The following CSMD2 variants were observed in gnomAD, a reference collection of about 807,000 sequenced individuals.
CSMD2 encodes the protein CUB and Sushi multiple domains 2.
In CSMD2, 130 loss-of-function variants were observed where a neutral mutation model predicts 398.5. That is an observed-to-expected ratio of 0.33 (90% CI 0.28 to 0.38). CSMD2 has a LOEUF of 0.38. Among genes scored for constraint, CSMD2 ranks in the 10% least tolerant of loss-of-function variants. The pLI, the probability that CSMD2 is intolerant of heterozygous loss-of-function variation, is 1.00. For synonymous variants in CSMD2, 1,828 were observed against 1,908.5 expected, an observed-to-expected ratio of 0.96 and a Z score of 1.10; for missense variants, 3,829 against 4,764.9, an observed-to-expected ratio of 0.80 and a Z score of 5.78.
At chr1:33,546,637 A>T (rs981459239) in intron 56 of CSMD2, among the ~76,000 whole-genome samples, 1 of 152,076 alleles carries the variant, frequency 6.6e-6, no homozygotes, top group Admixed American at 6.5e-5. Flanking sequence ...CTCTTGCAAG[A>T]GCCTCCCGAC....
intron 13 of CSMD2, among the ~76,000 whole-genome samples, chr1:33,752,408 A>T (rs1382801912): frequency 6.6e-6 from 1 of 152,162 alleles, no homozygotes; most frequent in East Asian, 1.9e-4. Context: ...ACCATATGAT[A>T]CGCTGGCTCC....
intron 2 of CSMD2, among the ~76,000 whole-genome samples, chr1:34,087,754 T>C (rs547279010): frequency 7.9e-5 from 12 of 152,216 alleles, no homozygotes; most frequent in Middle Eastern, 3.4e-3. Context: ...CCCATTAGCA[T>C]GTAACCTCCA....
chr1:33,613,822 G>A (rs758754455), intron 40 of CSMD2, among the ~76,000 whole-genome samples: 1 of 152,038 alleles, frequency 6.6e-6, no homozygotes, highest in Admixed American at 6.5e-5. Flanking sequence ...GAGACATTTG[G>A]GTTAAATGAT....
At chr1:34,131,653 A>G (rs180789071) in intron 1 of CSMD2, among the ~76,000 whole-genome samples, 3 of 152,316 alleles carry the variant, frequency 2.0e-5, no homozygotes, top group Admixed American at 6.5e-5. Context: ...CTCCAGGCCC[A>G]GGCCTCTCTC....
At chr1:34,082,207 C>G (rs1173258161) in intron 2 of CSMD2, among the ~76,000 whole-genome samples, 86 of 151,022 alleles carry the variant, frequency 5.7e-4, no homozygotes, top group Non-Finnish European at 1.0e-3. Context: ...CGGCCGCCAC[C>G]CCGTCTGGGA....
intron 3 of CSMD2, among the ~76,000 whole-genome samples, chr1:34,012,752 TG>T (rs1211329895): frequency 5.9e-5 from 9 of 152,248 alleles, no homozygotes; most frequent in African/African-American, 2.2e-4. Context: ...AAATTATGCC[TG>T]GCACACAGTA....
chr1:33,740,655 C>G lies in CSMD2; in HGVS notation c.2174-1321G>C, dbSNP rs185018851. ...GTCAGCCCAGACTTGAGTCTCCCAACCTTTCTTCGTTGGAAACTATGACCA... is the reference window on the plus strand; with the variant it reads ...GTCAGCCCAGACTTGAGTCTCCCAAGCTTTCTTCGTTGGAAACTATGACCA... On this transcript the variant is annotated intron_variant, in intron 14 of 70. Transcript: ENST00000373381. Among the ~76,000 whole-genome samples, 19 of 152,242 alleles carry G rather than the reference C, an allele frequency of 1.2e-4. No homozygotes were observed. The East Asian group carries it at 3.3e-3, about 26-fold the overall frequency.
At chr1:33,702,382 T>G (rs1368779062) in intron 22 of CSMD2, among the ~76,000 whole-genome samples, 2 of 152,120 alleles carry the variant, frequency 1.3e-5, no homozygotes, top group Non-Finnish European at 2.9e-5. Flanking sequence ...GAACAGGATA[T>G]TTTCCTTAAT....
At chr1:33,957,564 T>C (rs1427779809) in intron 3 of CSMD2, among the ~76,000 whole-genome samples, 3 of 152,126 alleles carry the variant, frequency 2.0e-5, no homozygotes, top group Admixed American at 1.3e-4. Flanking sequence ...TTTCATGCCT[T>C]ATAGGTCTGT....
intron 55 of CSMD2, among the ~76,000 whole-genome samples, chr1:33,556,068 G>T (rs879759581): frequency 5.3e-5 from 8 of 152,164 alleles, no homozygotes; most frequent in Non-Finnish European, 1.0e-4. Context: ...AGCAGCAAGA[G>T]AACCAGAATT....
In CSMD2 at chr1:33,724,647, C is replaced by T. The variant is rs1361537418; in HGVS notation, c.2753G>A (p.Arg918His). The T allele has an allele frequency of 8.1e-6, 13 of 1,614,086 alleles. No individual in the cohort carries two copies. In the East Asian group the frequency reaches 1.6e-4, roughly 19 times the overall value. ...LDPGIPVNGQ[R>H]HGNDFYVGAL... ...GCCCACGTAGAAGTCATTCCCATGACGCTGTCCATTTACTGGGATTCCTGG... is the reference window on the plus strand; with the variant it reads ...GCCCACGTAGAAGTCATTCCCATGATGCTGTCCATTTACTGGGATTCCTGG... Residue 918 changes from arginine to histidine, a missense_variant, in exon 18 of 71, where the codon CGT becomes CAT. Arg to His is a conservative substitution (Grantham distance 29, BLOSUM62 0). Around this residue, in one of 5 missense-constraint regions of CSMD2, gnomAD observed 2,001 missense variants for 2,567.1 expected, o/e 0.78. Transcript: ENST00000373381.
intron 25 of CSMD2, among the ~76,000 whole-genome samples, chr1:33,665,983 T>G (rs1470840477): frequency 6.6e-6 from 1 of 152,174 alleles, no homozygotes; most frequent in African/African-American, 2.4e-5. Context: ...ATGGTGCTCA[T>G]GATACCCATG....
At chr1:33,568,103 C>T (rs1047761416) in intron 52 of CSMD2, among the ~76,000 whole-genome samples, 1 of 151,516 alleles carries the variant, frequency 6.6e-6, no homozygotes. Context: ...CCCACTTTTT[C>T]TTACCAACCA....
chr1:33,829,066 A>G (rs1659157366), intron 6 of CSMD2, among the ~76,000 whole-genome samples: 1 of 152,240 alleles, frequency 6.6e-6, no homozygotes, highest in Admixed American at 6.5e-5. Context: ...TGTTGCCTGT[A>G]GCCACCACAT....
chr1:33,542,982 A>T (rs1656503907), intron 57 of CSMD2, 86 bp from the exon 58 acceptor site: 13 of 1,149,026 alleles, frequency 1.1e-5, no homozygotes, highest in Admixed American at 8.9e-5. Context: ...TGGAAGCCAC[A>T]TGCTACCTCG....
chr1:33,522,341 C>A (rs1654388649), intron 67 of CSMD2, among the ~76,000 whole-genome samples: 1 of 152,226 alleles, frequency 6.6e-6, no homozygotes, highest in African/African-American at 2.4e-5. Flanking sequence ...GGATCCCCAT[C>A]CTCATCTTCC....
chr1:33,821,121 C>T (rs567807140), intron 7 of CSMD2, among the ~76,000 whole-genome samples: 131 of 152,320 alleles, frequency 8.6e-4, no homozygotes, highest in African/African-American at 2.9e-3. Context: ...AGATACTTCT[C>T]GAGCCAGAGT....
intron 1 of CSMD2, among the ~76,000 whole-genome samples, chr1:34,096,178 G>A (rs1443180156): frequency 6.6e-6 from 1 of 151,978 alleles, no homozygotes; most frequent in African/African-American, 2.4e-5. Context: ...TATCTCAATA[G>A]ATGCAGAAAA....
intron 13 of CSMD2, among the ~76,000 whole-genome samples, chr1:33,753,815 T>A (rs1648605475): frequency 6.6e-6 from 1 of 152,236 alleles, no homozygotes; most frequent in Admixed American, 6.5e-5. Context: ...TTATGTTGGA[T>A]CTTTAAGATT....
Sources: gnomAD v4.1 joint callset for allele counts (sites outside exome capture counted in the v4.1 genomes callset) on GRCh38, gnomAD v4.1.1 for gene constraint, gnomAD v4.1.1 regional missense constraint, MANE v1.5 for transcripts, NCBI Gene and HGNC (gene_info 2026-07-23, HGNC 2026-07-21) for gene names.